ASIC2: variants seen among roughly 807,000 people sequenced by gnomAD.
ASIC2 encodes acid sensing ion channel subunit 2, also known as acid-sensing ion channel 2.
In ASIC2, 25 loss-of-function variants were observed where a neutral mutation model predicts 57.3. The observed-to-expected ratio is 0.44, with a 90% CI of 0.32 to 0.61. ASIC2 has a LOEUF of 0.61. Among genes scored for constraint, ASIC2 ranks in the 20% least tolerant of loss-of-function variants. The pLI is 0.06. For missense variants in ASIC2, 641 were observed against 738.1 expected (o/e 0.87, Z 1.52); for synonymous variants, 319 against 307.5 (o/e 1.04, Z -0.39).
intron 1 of ASIC2, among the ~76,000 whole-genome samples, chr17:33,618,057 C>G (rs1905662946): frequency 6.6e-6 from 1 of 151,998 alleles, no homozygotes; most frequent in Non-Finnish European, 1.5e-5. Context: ...CTTCTCAGAC[C>G]AATAGTTGAT....
intron 1 of ASIC2, among the ~76,000 whole-genome samples, chr17:33,928,242 G>A (rs763662508): frequency 1.7e-4 from 26 of 152,188 alleles, no homozygotes; most frequent in Non-Finnish European, 3.2e-4. Context: ...GCGACCTTTC[G>A]AAGGTGCTCT....
chr17:33,021,068 C>A (rs1598237197), intron 7 of ASIC2, 151 bp downstream of exon 7: 2 of 608,334 alleles, frequency 3.3e-6, no homozygotes, highest in East Asian at 5.8e-5. Context: ...AGGAGCAGTG[C>A]AAGGAAACAG....
intron 1 of ASIC2, among the ~76,000 whole-genome samples, chr17:33,403,778 G>T (rs1352228097): frequency 6.6e-6 from 1 of 152,212 alleles, no homozygotes; most frequent in Non-Finnish European, 1.5e-5. Flanking sequence ...TAAACCTAAA[G>T]CTAGCAGAAA....
rs116858879 is a variant in ASIC2, at chr17:34,115,492, G to A, written c.555+40486C>T. Among the ~76,000 whole-genome samples, 29 of 152,306 alleles carry A rather than the reference G, an allele frequency of 1.9e-4. No homozygotes were observed. The East Asian group carries it at 4.0e-3, about 21-fold the overall frequency. On this transcript the variant is annotated intron_variant, in intron 1 of 9. Coordinates refer to the ASIC2 transcript ENST00000359872. ...ATAGACCTTAGTGCTGAGTATGGAG[G>A]ACAGTGGATTCTCAACAGATGTTGA...
At chr17:33,988,035 G>A (rs1905877711) in intron 1 of ASIC2, among the ~76,000 whole-genome samples, 1 of 152,180 alleles carries the variant, frequency 6.6e-6, no homozygotes. Context: ...TGGAAGAAGT[G>A]GCATCTGGAG....
At chr17:33,820,409 T>TACATGTTGAACTGATG (rs1392975731) in intron 1 of ASIC2, among the ~76,000 whole-genome samples, 3 of 152,254 alleles carry the variant, frequency 2.0e-5, no homozygotes, top group Admixed American at 6.5e-5. Flanking sequence ...TTACATTGGT[T>TACATGTTGAACTGATG]ACATGTTGAA....
chr17:33,292,667 A>G lies in ASIC2; in HGVS notation c.-552T>C. 1 of 985,606 alleles carries G rather than the reference A, an allele frequency of 1.0e-6. No individual in the cohort carries two copies. The highest frequency in any genetic ancestry group is 1.2e-6 in the Non-Finnish European group (1 of 830,114). The allele number at this position is 985,606 out of a possible 1,614,324, so 61.1% of individuals were successfully genotyped here. A position where few individuals can be genotyped will look rare whatever the true frequency, so the allele number is the denominator to read the frequency against. ...GGACACGGGAGAGAAGGCGCCAAGG[A>G]ACGAGCGCCCCCAGAGGCGCACCGC... is the stretch of plus-strand genomic sequence containing the variant. On this transcript the variant is annotated 5_prime_UTR_variant, in exon 1 of 10. Coordinates refer to ENST00000225823, the MANE Select transcript of ASIC2 (RefSeq NM_183377.2).
chr17:33,847,125 T>A (rs1913629834), intron 1 of ASIC2, among the ~76,000 whole-genome samples: 2 of 151,254 alleles, frequency 1.3e-5, no homozygotes, highest in Admixed American at 1.3e-4. Context: ...CCTCTTTGCA[T>A]CTTCTCTGGA....
intron 1 of ASIC2, among the ~76,000 whole-genome samples, chr17:33,320,027 ACCTGGGATGAATC>A (rs775880080): frequency 8.9e-4 from 136 of 152,252 alleles, no homozygotes; most frequent in Non-Finnish European, 1.4e-3. Context: ...TTCATGTGCA[ACCTGGGATGAATC>A]CCTGGGATGA....
chr17:33,407,078 AATTTTTTTCACTTGT>A (rs1910498329), intron 1 of ASIC2, among the ~76,000 whole-genome samples: 1 of 152,302 alleles, frequency 6.6e-6, no homozygotes, highest in East Asian at 1.9e-4. Flanking sequence ...TCTGAGTCTT[AATTTTTTTCACTTGT>A]ATAATGTAGA....
intron 1 of ASIC2, among the ~76,000 whole-genome samples, chr17:34,055,210 G>A (rs7208388): frequency 0.13 from 19,541 of 152,158 alleles, 1,341 homozygotes; most frequent in South Asian, 0.19. Flanking sequence ...TTTAAGCCAC[G>A]AAGAGACACG....
chr17:33,979,606 G>A (rs1905537184), intron 1 of ASIC2, among the ~76,000 whole-genome samples: 1 of 152,194 alleles, frequency 6.6e-6, no homozygotes, highest in Non-Finnish European at 1.5e-5. Context: ...GGCCTCATGT[G>A]TCAGGAAAAA....
intron 1 of ASIC2, among the ~76,000 whole-genome samples, chr17:33,496,787 G>T (rs1476052582): frequency 6.6e-6 from 1 of 151,520 alleles, no homozygotes; most frequent in Non-Finnish European, 1.5e-5. Context: ...CCAGCTAATT[G>T]TTCTATTTTT....
chr17:34,021,005 C>T (rs1315554188), intron 1 of ASIC2, among the ~76,000 whole-genome samples: 1 of 152,136 alleles, frequency 6.6e-6, no homozygotes, highest in Non-Finnish European at 1.5e-5. Context: ...CTGTCACTCC[C>T]ACCCATTCCT....
rs540327058 is a variant in ASIC2 at position 33,858,606 on chromosome 17, G to C, written c.555+297372C>G. 2.0e-5 allele frequency among the ~76,000 whole-genome samples: 3 copies of C among 152,344 alleles called. No individual in the cohort carries two copies. In the East Asian group the frequency reaches 5.8e-4, roughly 29 times the overall value. Reference sequence around the variant, plus strand: ...GCCAGCGGGACATCTCTGCTGCTCTGTCTCACCTCCCAGGTACTACTGATA... The same window carrying C: ...GCCAGCGGGACATCTCTGCTGCTCTCTCTCACCTCCCAGGTACTACTGATA... On this transcript the variant is annotated intron_variant, in intron 1 of 9. Coordinates refer to the ASIC2 transcript ENST00000359872.
intron 1 of ASIC2, among the ~76,000 whole-genome samples, chr17:33,120,448 C>T (rs1010036219): frequency 2.6e-5 from 4 of 152,196 alleles, no homozygotes; most frequent in Non-Finnish European, 5.9e-5. Flanking sequence ...TTAGTGTTCT[C>T]CTTCAATTGT....
At chr17:33,133,839 A>AG (rs1437208731) in intron 1 of ASIC2, among the ~76,000 whole-genome samples, 3 of 152,184 alleles carry the variant, frequency 2.0e-5, no homozygotes, top group Non-Finnish European at 4.4e-5. Context: ...AAAGAGAAGA[A>AG]GGGCAGAGAG....
At chr17:34,151,366 G>A (rs897050967) in intron 1 of ASIC2, among the ~76,000 whole-genome samples, 2 of 152,148 alleles carry the variant, frequency 1.3e-5, no homozygotes, top group African/African-American at 4.8e-5. Context: ...CAAGGCTTTA[G>A]GCTATTTTTA....
At position 33,797,925 on chromosome 17, in the gene ASIC2, C is replaced by T. The variant is rs115726687; in HGVS notation, c.555+358053G>A. Among the ~76,000 whole-genome samples the T allele has an allele frequency of 7.2e-3, 1,095 of 152,268 alleles. 19 individuals carry two copies. The highest frequency in any genetic ancestry group is 0.025 in the African/African-American group (1,024 of 41,552). ...TCATCACTCACAGGACTAGCCCCCA[C>T]ACATAGGCTGGCTCAGCTGTACAGA... is the stretch of plus-strand genomic sequence containing the variant. On this transcript the variant is annotated intron_variant, in intron 1 of 9. Transcript: ENST00000359872.
Sources: allele counts gnomAD v4.1 joint callset (sites outside exome capture counted in the v4.1 genomes callset), GRCh38; gene constraint gnomAD v4.1.1; transcripts MANE v1.5; gene names NCBI Gene and HGNC (gene_info 2026-07-23, HGNC 2026-07-21).